SERINC3: variants seen among roughly 807,000 people sequenced by gnomAD.
SERINC3 encodes tumor differentially expressed protein 1.
Under a neutral mutation model 52.1 loss-of-function variants are expected in SERINC3, and 22 were observed. The observed-to-expected ratio is 0.42, with a 90% CI of 0.30 to 0.60. SERINC3 has a LOEUF of 0.60. Ranked by LOEUF, SERINC3 falls within the 20% of genes least tolerant of loss-of-function variation. The pLI is 0.16. For synonymous variants in SERINC3, 226 were observed against 212.7 expected (o/e 1.06, Z -0.54); for missense variants, 564 against 584.6 (o/e 0.96, Z 0.36).
intron 9 of SERINC3, 121 bp from the exon 10 acceptor site, chr20:44,500,555 C>G: frequency 9.1e-7 from 1 of 1,102,666 alleles, no homozygotes; most frequent in Non-Finnish European, 1.3e-6. Flanking sequence ...CACTACCCCC[C>G]AGTAGGGTTG....
chr20:44,522,035 A>G lies in SERINC3; in HGVS notation c.-84T>C, dbSNP rs1381459111. 1.4e-5 allele frequency: 20 copies of G among 1,394,124 alleles called. No individual in the cohort carries two copies. Among genetic ancestry groups the G allele is most frequent in the Non-Finnish European group, 2.0e-5 (20 of 1,007,478 alleles). 86.4% of individuals were successfully genotyped at this position (1,394,124 alleles called of 1,614,324 possible). A position where few individuals can be genotyped will look rare whatever the true frequency, so the allele number is the denominator to read the frequency against. The stretch of plus-strand genomic sequence containing the variant: ...TGCCAGCTGAGGTGACTCCCCAGAA[A>G]CATGACGGTTTCTCAGGCCGGAAAC... On this transcript the variant is annotated 5_prime_UTR_variant, in exon 1 of 10. Coordinates refer to ENST00000342374, the MANE Select transcript of SERINC3 (RefSeq NM_006811.4).
chr20:44,513,806 G>A lies in SERINC3; in HGVS notation c.201+73C>T, dbSNP rs192004037. On this transcript the variant is annotated intron_variant, in intron 2 of 9. Transcript: ENST00000342374. ...TACAACCAACTTGATTAACAACGAC[G>A]AAATAAAACTAGAATTTTGCAGAAT... 389 of 1,316,716 alleles carry A rather than the reference G, an allele frequency of 3.0e-4. No individual in the cohort carries two copies. In the African/African-American group the frequency reaches 3.9e-3, roughly 13 times the overall value. 81.6% of individuals were successfully genotyped at this position (1,316,716 alleles called of 1,614,324 possible).
chr20:44,505,802 G>A (rs2123041964), intron 6 of SERINC3, among the ~76,000 whole-genome samples: 1 of 151,146 alleles, frequency 6.6e-6, no homozygotes, highest in African/African-American at 2.4e-5. Context: ...GTTTCACCAT[G>A]TTGGTCAGGC....
intron 6 of SERINC3, among the ~76,000 whole-genome samples, chr20:44,506,061 G>A (rs1220070750): frequency 6.6e-6 from 1 of 151,976 alleles, no homozygotes; most frequent in Non-Finnish European, 1.5e-5. Context: ...AGCACTTTGG[G>A]AGGCTGAGAT....
chr20:44,520,199 A>C (rs1045618015), intron 1 of SERINC3, among the ~76,000 whole-genome samples: 3 of 152,174 alleles, frequency 2.0e-5, no homozygotes, highest in Non-Finnish European at 4.4e-5. Flanking sequence ...AACATGGCGA[A>C]ATCCCGTCTT....
intron 5 of SERINC3, among the ~76,000 whole-genome samples, 195 bp downstream of exon 5, chr20:44,509,695 AT>A (rs1394485080): frequency 1.3e-5 from 2 of 150,190 alleles, no homozygotes; most frequent in Admixed American, 6.6e-5. Flanking sequence ...TGCCTGGCAA[AT>A]TTTTTTTTTC....
downstream of SERINC3, chr20:44,496,303 A>G (rs930933412): frequency 2.0e-5 from 3 of 152,364 alleles, no homozygotes; most frequent in African/African-American, 7.2e-5. Context: ...GAACATAGGC[A>G]TGGTGTGGCT....
Position 44,512,825 on chromosome 20 carries a change from TCTTTA to T in SERINC3, c.366_370del (p.Ser122ArgfsTer65). On this transcript the variant is annotated frameshift_variant, in exon 3 of 10. Transcript: ENST00000342374. LOFTEE classifies it high-confidence loss of function. ...CCCATTGTGTACTGCCGCTCGGAGA[TCTTTA>T]CTTGTTTTTACTTTGAACATGAGCA... is the stretch of plus-strand genomic sequence containing the variant. 1 of 1,576,294 alleles carries T rather than the reference TCTTTA, an allele frequency of 6.3e-7. No individual in the cohort carries two copies. Among genetic ancestry groups the T allele is most frequent in the Non-Finnish European group, 8.6e-7 (1 of 1,168,520 alleles).
At chr20:44,507,041 C>T (rs1315961876) in intron 5 of SERINC3, 45 bp from the exon 6 acceptor site, 1 of 1,409,538 alleles carries the variant, frequency 7.1e-7, no homozygotes, top group Non-Finnish European at 9.4e-7. Flanking sequence ...CTATAATAAA[C>T]TAATAATGAA....
Position 44,519,361 on chromosome 20 carries a change from T to C in SERINC3, c.39+2552A>G, listed in dbSNP as rs1042709649. The C allele has an allele frequency of 5.3e-6, 5 of 946,284 alleles. No individual in the cohort carries two copies. The African/African-American group carries it at 7.1e-5, about 13-fold the overall frequency. The allele number at this position is 946,284 out of a possible 1,614,324, so 58.6% of individuals were successfully genotyped here. A position where few individuals can be genotyped will look rare whatever the true frequency, so the allele number is the denominator to read the frequency against. On this transcript the variant is annotated intron_variant, in intron 1 of 9. Transcript: ENST00000342374. ...CCGGCGGATCACGAGGTCAGGAGAT[T>C]GAGACCATCCTGGCGTGAGCCACCA...
rs1254603869 is a variant in SERINC3, at chr20:44,521,974, G to T, written c.-23C>A. ...CATGGTGACGCCAGTGATGGAGGTG[G>T]CCGGTCCTGAGGCTGCTTTCTAACA... On this transcript the variant is annotated 5_prime_UTR_variant, in exon 1 of 10. Transcript: ENST00000342374. The T allele has an allele frequency of 6.2e-7, 1 of 1,604,656 alleles. No homozygotes were observed. Among genetic ancestry groups the T allele is most frequent in the Non-Finnish European group, 8.5e-7 (1 of 1,175,700 alleles).
intron 8 of SERINC3, 54 bp downstream of exon 8, chr20:44,503,761 T>A: frequency 7.2e-7 from 1 of 1,380,898 alleles, no homozygotes; most frequent in Non-Finnish European, 9.7e-7. Context: ...AACAGCTTCT[T>A]CACTTTATTA....
intron 1 of SERINC3, among the ~76,000 whole-genome samples, chr20:44,519,910 A>G (rs2064404919): frequency 6.6e-6 from 1 of 152,202 alleles, no homozygotes; most frequent in South Asian, 2.1e-4. Flanking sequence ...CCTTGGAATA[A>G]CCAGCGTCTT....
rs2123025279 is a variant in SERINC3 at position 44,499,318 on chromosome 20, T to G, written c.*978A>C. The G allele has an allele frequency of 6.6e-6, 1 of 152,458 alleles. No homozygotes were observed. The highest frequency in any genetic ancestry group is 1.9e-4 in the East Asian group (1 of 5,322). 9.4% of individuals were successfully genotyped at this position (152,458 alleles called of 1,614,324 possible). On this transcript the variant is annotated 3_prime_UTR_variant, in exon 10 of 10. Transcript: ENST00000342374. ...CAAGTGTCTTACCTAGAGAAGGTAT[T>G]TAGGACTTTTGAATAAATTCAAGAC...
At chr20:44,505,861 AAGTGCTGGGATTAC>A (rs2123042089) in intron 6 of SERINC3, among the ~76,000 whole-genome samples, 1 of 152,160 alleles carries the variant, frequency 6.6e-6, no homozygotes, top group South Asian at 2.1e-4. Context: ...TGGCCTCCCA[AAGTGCTGGGATTAC>A]AGGCGTTAAG....
chr20:44,510,952 C>T (rs1364044941), intron 4 of SERINC3, among the ~76,000 whole-genome samples: 2 of 151,942 alleles, frequency 1.3e-5, no homozygotes, highest in African/African-American at 2.4e-5. Context: ...CTTGATCTGT[C>T]GCCCAGGCTG....
chr20:44,501,033 G>A (rs1254539307), intron 9 of SERINC3, 40 bp downstream of exon 9: 1 of 1,451,132 alleles, frequency 6.9e-7, no homozygotes, highest in South Asian at 1.1e-5. Context: ...GCCATCCAAG[G>A]GTTTTATGGT....
rs1309906286 is a variant in SERINC3, at chr20:44,503,872, A to G, written c.998T>C (p.Leu333Pro). ...PTPPSKSGSLLDSDNFIGLFV... is the reference protein window; with the variant it reads ...PTPPSKSGSLPDSDNFIGLFV... ...CAGTCCAATAAAATTATCTGAATCC[A>G]GTAAAGACCCACTCTTTGATGGTGG... The change falls in exon 8 of 10, where the codon CTG becomes CCG. Residue 333 changes from leucine to proline, a missense_variant. Coordinates refer to ENST00000342374, the MANE Select transcript of SERINC3 (RefSeq NM_006811.4). 6.3e-7 allele frequency: 1 copy of G among 1,596,816 alleles called. No individual in the cohort carries two copies.
At position 44,521,904 on chromosome 20, in the gene SERINC3, C is replaced by G; in HGVS notation, c.39+9G>C. On this transcript the variant is annotated intron_variant, in intron 1 of 9. Coordinates refer to ENST00000342374, the MANE Select transcript of SERINC3 (RefSeq NM_006811.4). ...CAGGTCCGGCGAGGACTCGGGACCCCGAACTCACCCAGCTGGCGAGGGAGA... is the reference window on the plus strand; with the variant it reads ...CAGGTCCGGCGAGGACTCGGGACCCGGAACTCACCCAGCTGGCGAGGGAGA... 2 of 1,607,882 alleles carry G rather than the reference C, an allele frequency of 1.2e-6. No individual in the cohort carries two copies. Among genetic ancestry groups the G allele is most frequent in the African/African-American group, 1.3e-5 (1 of 74,918 alleles).
Sources: allele counts gnomAD v4.1 joint callset (sites outside exome capture counted in the v4.1 genomes callset), GRCh38; gene constraint gnomAD v4.1.1; transcripts MANE v1.5; gene names NCBI Gene and HGNC (gene_info 2026-07-23, HGNC 2026-07-21).